The following MYOCD variants were observed in gnomAD, a reference collection of about 807,000 sequenced individuals.
The protein encoded by MYOCD is myocardin.
In MYOCD, 32 loss-of-function variants were observed where a neutral mutation model predicts 96.1. The observed-to-expected ratio is 0.33, with a 90% confidence interval of 0.25 to 0.45. The LOEUF is 0.45. Among genes scored for constraint, MYOCD ranks in the 20% least tolerant of loss-of-function variants. MYOCD has a pLI of 1.00. For synonymous variants in MYOCD, 469 were observed against 469.0 expected (o/e 1.00, Z 0.00); for missense variants, 1,133 against 1,200.6 (o/e 0.94, Z 0.83).
At position 12,745,975 on chromosome 17, in the gene MYOCD, A is replaced by G; in HGVS notation, c.1028A>G (p.Asn343Ser). The change falls in exon 9 of 14, where the codon AAT becomes AGT. Residue 343 changes from asparagine (N) to serine (S), a missense_variant. By Grantham distance (46) the Asn-to-Ser change is conservative (BLOSUM62 1). Transcript: ENST00000425538. ...AACTCTTCTTCAACGCCACTGAGCA[A>G]TACCCCCTTGTCTCCTGTCAAAAAC... The part of the protein sequence containing the change: ...NPNSSSTPLS[N>S]TPLSPVKNSF... The G allele has an allele frequency of 6.2e-7, 1 of 1,614,232 alleles. No individual in the cohort carries two copies. Among genetic ancestry groups the G allele is most frequent in the Non-Finnish European group, 8.5e-7 (1 of 1,180,042 alleles).
At chr17:12,744,840 T>A (rs1371970321) in intron 8 of MYOCD, among the ~76,000 whole-genome samples, 1 of 152,248 alleles carries the variant, frequency 6.6e-6, no homozygotes, top group African/African-American at 2.4e-5. Flanking sequence ...ATAAAAGGTA[T>A]CTGGATGTGG....
At position 12,756,476 on chromosome 17, in the gene MYOCD, G is replaced by A. The variant is rs562838871; in HGVS notation, c.2121G>A (p.Pro707=). 19 of 1,551,648 alleles carry A rather than the reference G, an allele frequency of 1.2e-5. No individual in the cohort carries two copies. The highest frequency in any genetic ancestry group is 7.9e-5 in the Admixed American group (4 of 50,922). The stretch of plus-strand genomic sequence containing the variant: ...CTCCCCATTCTTCCAGCCTCCACCC[G>A]CCCTTCTCTGGAGCCCAAGCAGACA... ...SFSPHSSSLH[P]PFSGAQADSS... is the part of the protein sequence containing the mutation. Residue 707 remains proline, a synonymous_variant, in exon 11 of 14, where the codon CCG becomes CCA. Coordinates refer to ENST00000425538, the MANE Select transcript of MYOCD (RefSeq NM_001146312.3).
At chr17:12,739,091 T>G in intron 6 of MYOCD, 112 bp from the exon 7 acceptor site, 1 of 1,248,464 alleles carries the variant, frequency 8.0e-7, no homozygotes, top group South Asian at 1.5e-5. Flanking sequence ...GATATTTACT[T>G]GGGTGAGAAG....
chr17:12,676,910 A>G (rs1910095629), intron 1 of MYOCD, among the ~76,000 whole-genome samples: 1 of 152,236 alleles, frequency 6.6e-6, no homozygotes, highest in African/African-American at 2.4e-5. Context: ...GTAAATGTGG[A>G]AACAAGAATG....
chr17:12,765,203 C>T lies in MYOCD; in HGVS notation c.*1559C>T, dbSNP rs2033304690. On this transcript the variant is annotated 3_prime_UTR_variant, in exon 14 of 14. Coordinates refer to ENST00000425538, the MANE Select transcript of MYOCD (RefSeq NM_001146312.3). ...AAATTTCAGAACAGTCTCTGTAAGG[C>T]TCTCTGTGGCTCCAGTTCACCATTT... The T allele has an allele frequency of 6.6e-6, 1 of 151,924 alleles. No homozygotes were observed. Among genetic ancestry groups the T allele is most frequent in the Admixed American group, 6.6e-5 (1 of 15,236 alleles). The allele number at this position is 151,924 out of a possible 1,614,324, so 9.4% of individuals were successfully genotyped here. A position where few individuals can be genotyped will look rare whatever the true frequency, so the allele number is the denominator to read the frequency against.
At chr17:12,682,526 A>G (rs1237642329) in intron 1 of MYOCD, among the ~76,000 whole-genome samples, 2 of 152,216 alleles carry the variant, frequency 1.3e-5, no homozygotes, top group Non-Finnish European at 2.9e-5. Context: ...TTCAACAGAA[A>G]AGGGAAGGTA....
At chr17:12,673,512 C>A (rs185145639) in intron 1 of MYOCD, among the ~76,000 whole-genome samples, 1 of 152,194 alleles carries the variant, frequency 6.6e-6, no homozygotes, top group Admixed American at 6.5e-5. Context: ...ATAATATTCC[C>A]CCAAGTGAGT....
chr17:12,714,088 A>G (rs1003723405), intron 2 of MYOCD, among the ~76,000 whole-genome samples: 8 of 152,080 alleles, frequency 5.3e-5, no homozygotes, highest in Admixed American at 3.9e-4. Context: ...AGGAAGCCAG[A>G]TGGGGCAATT....
Position 12,737,281 on chromosome 17 carries a change from A to G in MYOCD, c.591+945A>G, listed in dbSNP as rs146412877. Among the ~76,000 whole-genome samples, 372 of 152,262 alleles carry G rather than the reference A, an allele frequency of 2.4e-3. 4 individuals carry two copies. Among genetic ancestry groups the G allele is most frequent in the African/African-American group, 8.5e-3 (354 of 41,550 alleles). ...AAAGGGGGAAAAAAAAAGAATAATGATGATTATGAACAACAGTTCCTGCTA... is the reference window on the plus strand; with the variant it reads ...AAAGGGGGAAAAAAAAAGAATAATGGTGATTATGAACAACAGTTCCTGCTA... On this transcript the variant is annotated intron_variant, in intron 6 of 13. Coordinates refer to ENST00000425538, the MANE Select transcript of MYOCD (RefSeq NM_001146312.3).
rs1399181991 is a variant in MYOCD, at chr17:12,666,215, C to A, written c.27C>A (p.Ser9=). 6.2e-7 allele frequency: 1 copy of A among 1,613,854 alleles called. No individual in the cohort carries two copies. The highest frequency in any genetic ancestry group is 1.1e-5 in the South Asian group (1 of 91,052). The stretch of plus-strand genomic sequence containing the variant: ...TGACACTCCTGGGGTCTGAGCATTC[C>A]TTGCTGATTAGGAGCAAGTTCAGAT... The part of the protein sequence containing the change: MTLLGSEH[S]LLIRSKFRSV... The change falls in exon 1 of 14, where the codon TCC becomes TCA. Residue 9 remains serine (S), a synonymous_variant. Coordinates refer to ENST00000425538, the MANE Select transcript of MYOCD (RefSeq NM_001146312.3).
chr17:12,755,535 G>A (rs902371254), intron 10 of MYOCD, among the ~76,000 whole-genome samples: 4 of 152,098 alleles, frequency 2.6e-5, no homozygotes, highest in Admixed American at 6.5e-5. Context: ...AAGGTCAGGA[G>A]TTTGAGACCA....
chr17:12,737,466 A>G (rs992790324), intron 6 of MYOCD, among the ~76,000 whole-genome samples: 3 of 152,274 alleles, frequency 2.0e-5, no homozygotes, highest in Middle Eastern at 3.4e-3. Flanking sequence ...GGGCTCTAGA[A>G]GTATGGCAGA....
intron 1 of MYOCD, among the ~76,000 whole-genome samples, chr17:12,687,077 A>C (rs11870196): frequency 0.035 from 5,326 of 152,312 alleles, 253 homozygotes; most frequent in Admixed American, 0.091. Context: ...GAAGGTGTTT[A>C]GGGGACCATG....
rs576109585 is a variant in MYOCD, at chr17:12,675,500, G to A, written c.55+9257G>A. 1.1e-4 allele frequency among the ~76,000 whole-genome samples: 16 copies of A among 152,250 alleles called. No individual in the cohort carries two copies. The Middle Eastern group carries it at 0.014, about 129-fold the overall frequency. On this transcript the variant is annotated intron_variant, in intron 1 of 13. Transcript: ENST00000425538. Reference sequence around the variant, plus strand: ...ACTGATGTGAAAAGATCTCCAAAACGTAGAATTAATTTTTTAAAATTCAGG... The same window carrying A: ...ACTGATGTGAAAAGATCTCCAAAACATAGAATTAATTTTTTAAAATTCAGG...
At chr17:12,670,887 A>G (rs1359364674) in intron 1 of MYOCD, among the ~76,000 whole-genome samples, 1 of 152,206 alleles carries the variant, frequency 6.6e-6, no homozygotes, top group Non-Finnish European at 1.5e-5. Flanking sequence ...TTAAAGGAAC[A>G]TTTGGGGTCT....
At chr17:12,760,924 T>A in intron 13 of MYOCD, 1 of 499,040 alleles carries the variant, frequency 2.0e-6, no homozygotes, top group Non-Finnish European at 3.6e-6. Flanking sequence ...AGGAGCATTT[T>A]TCAGCAATCA....
intron 1 of MYOCD, among the ~76,000 whole-genome samples, chr17:12,683,483 T>C (rs560975259): frequency 6.6e-6 from 1 of 152,180 alleles, no homozygotes; most frequent in African/African-American, 2.4e-5. Context: ...TCTCTCCCGC[T>C]CCTTCTCTCT....
intron 1 of MYOCD, among the ~76,000 whole-genome samples, chr17:12,676,086 A>G (rs530923612): frequency 1.9e-4 from 28 of 151,264 alleles, no homozygotes; most frequent in South Asian, 1.0e-3. Context: ...AGTGGTGGGG[A>G]AAAAAAAACG....
intron 4 of MYOCD, chr17:12,720,412 T>G (rs906084883): frequency 6.6e-6 from 1 of 152,124 alleles, no homozygotes; most frequent in Non-Finnish European, 1.5e-5. Flanking sequence ...AACCCATTCC[T>G]CGTGTGTATC....
Sources: allele counts gnomAD v4.1 joint callset (sites outside exome capture counted in the v4.1 genomes callset), GRCh38; gene constraint gnomAD v4.1.1; transcripts MANE v1.5; gene names NCBI Gene and HGNC (gene_info 2026-07-23, HGNC 2026-07-21).